The following DNAH17 variants were observed in gnomAD, a reference collection of about 807,000 sequenced individuals.
The protein encoded by DNAH17 is axonemal beta dynein heavy chain 17.
Under a neutral mutation model 485.6 loss-of-function variants are expected in DNAH17, and 376 were observed. That is an observed-to-expected ratio of 0.77 (90% confidence interval 0.71 to 0.84). The LOEUF is 0.84. DNAH17 is among the 40% of genes least tolerant of loss of function. DNAH17 has a pLI of 0.00. For synonymous variants in DNAH17, 3,031 were observed against 2,405.9 expected, an observed-to-expected ratio of 1.26 and a Z score of -7.60; for missense variants, 6,370 against 5,839.3, an observed-to-expected ratio of 1.09 and a Z score of -2.96.
At chr17:78,484,575 C>T (rs915893319) in intron 48 of DNAH17, among the ~76,000 whole-genome samples, 5 of 25,176 alleles carry the variant, frequency 2.0e-4, no homozygotes, top group Non-Finnish European at 4.1e-4. Context: ...GAAGGAGGAT[C>T]CCCCCCTCCG....
At chr17:78,564,465 C>T (rs749777428) in intron 11 of DNAH17, among the ~76,000 whole-genome samples, 42 of 152,094 alleles carry the variant, frequency 2.8e-4, no homozygotes, top group South Asian at 2.1e-4. Context: ...GCCAGCTGCC[C>T]GCCCGCCCAG....
intron 25 of DNAH17, among the ~76,000 whole-genome samples, chr17:78,523,055 T>C (rs191014368): frequency 1.4e-4 from 21 of 152,286 alleles, no homozygotes; most frequent in Non-Finnish European, 2.9e-4. Context: ...GGGGTCTTGC[T>C]ATGTTGCCTA....
At position 78,514,808 on chromosome 17, in the gene DNAH17, T is replaced by C; in HGVS notation, c.4079A>G (p.Glu1360Gly). The C allele has an allele frequency of 6.2e-7, 1 of 1,613,980 alleles. No homozygotes were observed. ...CTGCATGAGCTGCTGCCAGTGGCGTTCCCGAATGGCAGGGTTCTGCAGCTC... is the reference window on the plus strand; with the variant it reads ...CTGCATGAGCTGCTGCCAGTGGCGTCCCCGAATGGCAGGGTTCTGCAGCTC... The part of the protein sequence containing the change: ...VSELQNPAIR[E>G]RHWQQLMQAT... Residue 1360 changes from glutamate (E) to glycine (G), a missense_variant, in exon 26 of 81, where the codon GAA becomes GGA. By Grantham distance (98) the Glu-to-Gly change is moderately conservative (BLOSUM62 -2). Transcript: ENST00000389840.
At chr17:78,501,992 A>C in intron 33 of DNAH17, 119 bp from the exon 34 acceptor site, 2 of 1,455,610 alleles carry the variant, frequency 1.4e-6, no homozygotes, top group Non-Finnish European at 1.9e-6. Flanking sequence ...TACAGTAATG[A>C]AAAACAAGAG....
chr17:78,563,947 G>C (rs1216374436), intron 11 of DNAH17, among the ~76,000 whole-genome samples: 1 of 152,006 alleles, frequency 6.6e-6, no homozygotes, highest in African/African-American at 2.4e-5. Context: ...TTTAAATTGA[G>C]CATAAACATA....
intron 54 of DNAH17, chr17:78,472,590 G>A: frequency 5.6e-6 from 2 of 359,286 alleles, no homozygotes; most frequent in South Asian, 1.9e-5. Context: ...AGGTTTCACA[G>A]AAATAAAAAC....
In DNAH17 at chr17:78,526,727, T is replaced by C. The variant is rs768364180; in HGVS notation, c.3635A>G (p.His1212Arg). 6.8e-6 allele frequency: 11 copies of C among 1,607,608 alleles called. No individual in the cohort carries two copies. The highest frequency in any genetic ancestry group is 1.1e-5 in the South Asian group (1 of 90,724). Residue 1212 changes from histidine (H) to arginine (R), a missense_variant, in exon 24 of 81, where the codon CAT becomes CGT. Physicochemically the swap from His to Arg is conservative, Grantham distance 29. Transcript: ENST00000389840. ...GCGCCTGAACCTCTCCCTGAACTCA[T>C]GTTGCTTGAGCTGCGAGAGAAGAGT... is the stretch of plus-strand genomic sequence containing the variant. ...RKCQQFELKQ[H>R]EFRERFRREA... is the part of the protein sequence containing the mutation.
chr17:78,501,681 CTGCCCTGAACCCGGTGTCCCCT>C, intron 34 of DNAH17, 39 bp downstream of exon 34: 1 of 1,580,052 alleles, frequency 6.3e-7, no homozygotes, highest in Non-Finnish European at 8.6e-7. Flanking sequence ...CCTGAATGCA[CTGCCCTGAACCCGGTGTCCCCT>C]TGCCCTTCCC....
chr17:78,506,030 C>T (rs914031611), intron 30 of DNAH17, among the ~76,000 whole-genome samples: 3 of 152,116 alleles, frequency 2.0e-5, no homozygotes, highest in South Asian at 2.1e-4. Flanking sequence ...AAGGTTCTGT[C>T]CCAGATCCCA....
chr17:78,518,130 G>A (rs1490285566), intron 25 of DNAH17, among the ~76,000 whole-genome samples: 1 of 152,204 alleles, frequency 6.6e-6, no homozygotes, highest in African/African-American at 2.4e-5. Context: ...GGCAGACATA[G>A]GCTGTAACAT....
At chr17:78,532,781 G>A (rs745790752) in intron 19 of DNAH17, 45 bp from the exon 20 acceptor site, 147 of 1,527,140 alleles carry the variant, frequency 9.6e-5, no homozygotes, top group Non-Finnish European at 1.3e-4. Flanking sequence ...TATGTTGCCT[G>A]GTTCATAATT....
chr17:78,486,324 G>A lies in DNAH17; in HGVS notation c.7001C>T (p.Thr2334Met), dbSNP rs148973316. 347 of 1,613,658 alleles carry A rather than the reference G, an allele frequency of 2.2e-4. No homozygotes were observed. The highest frequency in any genetic ancestry group is 3.7e-4 in the Admixed American group (22 of 60,014). The change falls in exon 45 of 81, where the codon ACG becomes ATG. Residue 2334 changes from threonine to methionine, a missense_variant. Transcript: ENST00000389840. Reference sequence around the variant, plus strand: ...GGAGTCGGGGGGCACGGTCTTCTCCGTGAGCAGGCACTCCAGCAGGTACAG... The same window carrying A: ...GGAGTCGGGGGGCACGGTCTTCTCCATGAGCAGGCACTCCAGCAGGTACAG... Reference protein sequence around the residue: ...TILYLLECLLTEKTVPPDSPR... With the variant: ...TILYLLECLLMEKTVPPDSPR...
chr17:78,425,562 C>T lies in DNAH17; in HGVS notation c.12925G>A (p.Ala4309Thr). The change falls in exon 80 of 81, where the codon GCC (alanine) becomes ACC (threonine). Residue 4309 changes from alanine to threonine, a missense_variant. Physicochemically the swap from Ala to Thr is moderately conservative, Grantham distance 58. Coordinates refer to ENST00000389840, the MANE Select transcript of DNAH17 (RefSeq NM_173628.4). Reference sequence around the variant, plus strand: ...GGCAGGGCAAAGTCTGTCGTCCAGGCCTCGAGTTCCTGCAAGGACACACGA... The same window carrying T: ...GGCAGGGCAAAGTCTGTCGTCCAGGTCTCGAGTTCCTGCAAGGACACACGA... ...DLLLRIRELE[A>T]WTTDFALPTT... is the part of the protein sequence containing the mutation. 6 of 1,608,014 alleles carry T rather than the reference C, an allele frequency of 3.7e-6. No individual in the cohort carries two copies. The highest frequency in any genetic ancestry group is 5.1e-6 in the Non-Finnish European group (6 of 1,177,214).
intron 51 of DNAH17, among the ~76,000 whole-genome samples, chr17:78,478,274 CCAT>C (rs1201515631): frequency 6.9e-6 from 1 of 144,610 alleles, no homozygotes; most frequent in Non-Finnish European, 1.5e-5. Context: ...ATCTCCACCA[CCAT>C]CACCATTATC....
At chr17:78,439,053 G>C (rs754833246) in intron 73 of DNAH17, 37 bp downstream of exon 73, 4 of 1,603,900 alleles carry the variant, frequency 2.5e-6, no homozygotes, top group East Asian at 2.2e-5. Context: ...ACCTCAGTGC[G>C]GGGAGCCCTT....
At chr17:78,537,261 G>A in intron 19 of DNAH17, 38 bp downstream of exon 19, 1 of 1,538,162 alleles carries the variant, frequency 6.5e-7, no homozygotes, top group South Asian at 1.2e-5. Flanking sequence ...GAAAGCAATG[G>A]ATGACCCTGT....
At position 78,486,315 on chromosome 17, in the gene DNAH17, G is replaced by A; in HGVS notation, c.7010C>T (p.Thr2337Ile). 6.2e-7 allele frequency: 1 copy of A among 1,613,568 alleles called. No individual in the cohort carries two copies. ...CTCCCTGGGGGAGTCGGGGGGCACG[G>A]TCTTCTCCGTGAGCAGGCACTCCAG... ...YLLECLLTEK[T>I]VPPDSPRELY... The change falls in exon 45 of 81, where the codon ACC becomes ATC. Residue 2337 changes from threonine to isoleucine, a missense_variant. Transcript: ENST00000389840.
At chr17:78,508,113 A>G (rs1470477627) in intron 27 of DNAH17, among the ~76,000 whole-genome samples, 1 of 152,194 alleles carries the variant, frequency 6.6e-6, no homozygotes, top group Non-Finnish European at 1.5e-5. Flanking sequence ...CAGACCACAT[A>G]GTGCACGCAA....
chr17:78,439,240 A>G, intron 72 of DNAH17, 23 bp from the exon 73 acceptor site: 2 of 1,594,624 alleles, frequency 1.3e-6, no homozygotes, highest in East Asian at 2.2e-5. Flanking sequence ...AAAACAGGAA[A>G]AAAACACCAC....
Sources: gnomAD v4.1 joint callset for allele counts (sites outside exome capture counted in the v4.1 genomes callset) on GRCh38, gnomAD v4.1.1 for gene constraint, MANE v1.5 for transcripts, NCBI Gene and HGNC (gene_info 2026-07-23, HGNC 2026-07-21) for gene names.